The following MAN1B1 variants were observed in gnomAD, a reference collection of about 807,000 sequenced individuals.
MAN1B1 encodes mannosidase alpha class 1B member 1.
Under a neutral mutation model 75.5 loss-of-function variants are expected in MAN1B1, and 66 were observed. The ratio of observed to expected loss-of-function variants is 0.87; its 90% CI spans 0.72 to 1.07. The LOEUF (loss-of-function observed/expected upper bound fraction) is 1.07. Among genes scored for constraint, MAN1B1 ranks in the 50% least tolerant of loss-of-function variants. The probability of loss-of-function intolerance (pLI) is 0.00; values close to 1 mark genes in which losing one functional copy is unlikely to be tolerated. For synonymous variants in MAN1B1, 453 were observed against 382.8 expected, an observed-to-expected ratio of 1.18 and a Z score of -2.14; for missense variants, 973 against 912.5, an observed-to-expected ratio of 1.07 and a Z score of -0.85.
Position 137,089,010 on chromosome 9 carries a change from T to C in MAN1B1, c.465+5T>C, listed in dbSNP as rs770944364. On this transcript the variant is annotated splice_donor_5th_base_variant and intron_variant, in intron 3 of 12. Transcript: ENST00000371589. ...TTACCTGAGATTTCGTCACAGGTAC[T>C]TTGAGCAAATGGTGTGGGGTTATAA... The C allele has an allele frequency of 6.2e-7, 1 of 1,613,940 alleles. No individual in the cohort carries two copies. The highest frequency in any genetic ancestry group is 1.1e-5 in the South Asian group (1 of 91,078).
chr9:137,090,812 C>T (rs923605717), intron 3 of MAN1B1, among the ~76,000 whole-genome samples: 12 of 152,186 alleles, frequency 7.9e-5, no homozygotes, highest in African/African-American at 2.4e-4. Flanking sequence ...GCTGGGATTA[C>T]AGACATGAGC....
Position 137,099,788 on chromosome 9 carries a change from A to G in MAN1B1, c.823A>G (p.Lys275Glu), listed in dbSNP as rs1767472901. 6.2e-7 allele frequency: 1 copy of G among 1,614,092 alleles called. No individual in the cohort carries two copies. Among genetic ancestry groups the G allele is most frequent in the Admixed American group, 1.7e-5 (1 of 60,006 alleles). The stretch of plus-strand genomic sequence containing the variant: ...GTTTGCATGGGGCCATGACGAGCTG[A>G]AGCCTGTGTCCAGGTCCTTCAGTGA... ...RKFAWGHDELKPVSRSFSEWF... is the reference protein window; with the variant it reads ...RKFAWGHDELEPVSRSFSEWF... Residue 275 changes from lysine (K) to glutamate (E), a missense_variant, in exon 6 of 13, where the codon AAG becomes GAG. Transcript: ENST00000371589.
At chr9:137,091,420 C>T (rs1165266815) in intron 3 of MAN1B1, among the ~76,000 whole-genome samples, 2 of 152,102 alleles carry the variant, frequency 1.3e-5, no homozygotes, top group African/African-American at 2.4e-5. Flanking sequence ...TGTTCAGACC[C>T]TGGCACTTGT....
At chr9:137,091,530 T>C (rs1193892227) in intron 3 of MAN1B1, among the ~76,000 whole-genome samples, 1 of 145,526 alleles carries the variant, frequency 6.9e-6, no homozygotes, top group African/African-American at 2.5e-5. Flanking sequence ...TATTTTTTTT[T>C]TTTTTTTTTT....
In MAN1B1 at chr9:137,108,791, T is replaced by C. The variant is rs1831211308; in HGVS notation, c.*200T>C. On this transcript the variant is annotated 3_prime_UTR_variant, in exon 13 of 13. Transcript: ENST00000371589. The stretch of plus-strand genomic sequence containing the variant: ...CCGTCAGTCTTGGTGTGATGCGGGG[T>C]GGGCTGGGCCGCTGGAGCCTCCGCC... 1.4e-6 allele frequency: 1 copy of C among 699,698 alleles called. No individual in the cohort carries two copies. The allele number at this position is 699,698 out of a possible 1,614,324, so 43.3% of individuals were successfully genotyped here. A position where few individuals can be genotyped will look rare whatever the true frequency, so the allele number is the denominator to read the frequency against.
Position 137,088,131 on chromosome 9 carries a change from T to G in MAN1B1, c.276T>G (p.Phe92Leu). 2 of 1,614,230 alleles carry G rather than the reference T, an allele frequency of 1.2e-6. No individual in the cohort carries two copies. The highest frequency in any genetic ancestry group is 1.7e-6 in the Non-Finnish European group (2 of 1,180,052). Residue 92 changes from phenylalanine (F) to leucine (L), a missense_variant, in exon 2 of 13, where the codon TTT becomes TTG. Physicochemically the swap from Phe to Leu is conservative, Grantham distance 22. Transcript: ENST00000371589. The stretch of plus-strand genomic sequence containing the variant: ...ATATGATTCTCTTCCTCCTTGCCTT[T>G]CTGCTTTTCTGTGGACTCCTCTTCT... ...QRNMILFLLA[F>L]LLFCGLLFYI...
intron 7 of MAN1B1, 107 bp downstream of exon 7, chr9:137,101,260 A>G (rs1830802441): frequency 1.4e-6 from 2 of 1,427,482 alleles, no homozygotes; most frequent in South Asian, 1.2e-5. Flanking sequence ...TCCTCTTCAA[A>G]TGCACTGGAG....
At chr9:137,087,959 A>T in intron 1 of MAN1B1, 116 bp from the exon 2 acceptor site, 2 of 872,588 alleles carry the variant, frequency 2.3e-6, no homozygotes, top group Non-Finnish European at 3.8e-6. Context: ...AAAAAGAAAT[A>T]GAGCTGAACA....
At chr9:137,105,958 C>T (rs932744292) in intron 8 of MAN1B1, 167 bp from the exon 9 acceptor site, 5 of 708,710 alleles carry the variant, frequency 7.1e-6, no homozygotes, top group African/African-American at 7.0e-5. Flanking sequence ...GGTACGGCCA[C>T]CAGGAGCCAT....
At chr9:137,096,034 G>T (rs1252140976) in intron 3 of MAN1B1, among the ~76,000 whole-genome samples, 2 of 152,206 alleles carry the variant, frequency 1.3e-5, no homozygotes, top group East Asian at 1.9e-4. Flanking sequence ...GTCTGGGGCC[G>T]TTTAGCCAGT....
rs762958294 is a variant in MAN1B1, at chr9:137,099,687, C to G, written c.731-9C>G. ...TCCGCCATGGCCTGTGCTCTCTCCC[C>G]CCTACTAGTGCATCTGAACTATCGC... On this transcript the variant is annotated splice_polypyrimidine_tract_variant and intron_variant, in intron 5 of 12. Coordinates refer to ENST00000371589, the MANE Select transcript of MAN1B1 (RefSeq NM_016219.5). 6.2e-6 allele frequency: 10 copies of G among 1,614,098 alleles called. No individual in the cohort carries two copies. The highest frequency in any genetic ancestry group is 7.6e-6 in the Non-Finnish European group (9 of 1,180,016).
At chr9:137,107,078 G>A in intron 10 of MAN1B1, 172 bp from the exon 11 acceptor site, 2 of 787,166 alleles carry the variant, frequency 2.5e-6, no homozygotes, top group South Asian at 3.6e-5. Flanking sequence ...GGGCCGGGTT[G>A]GAGGGCCTGG....
rs766039810 is a variant in MAN1B1 at position 137,108,993 on chromosome 9, TCTGGAGGGG to T, written c.*406_*414del. ...GCCTCAGATGTCCCCAATCCAAGGG[TCTGGAGGGG>T]CTGCCGTGACTCCAGAGGCCTGAGG... On this transcript the variant is annotated 3_prime_UTR_variant, in exon 13 of 13. Transcript: ENST00000371589. 23 of 461,476 alleles carry T rather than the reference TCTGGAGGGG, an allele frequency of 5.0e-5. No individual in the cohort carries two copies. The highest frequency in any genetic ancestry group is 8.7e-5 in the Non-Finnish European group (20 of 230,738). 28.6% of individuals were successfully genotyped at this position (461,476 alleles called of 1,614,324 possible). A position where few individuals can be genotyped will look rare whatever the true frequency, so the allele number is the denominator to read the frequency against.
intron 3 of MAN1B1, chr9:137,089,342 C>T (rs1830461430): frequency 4.7e-5 from 18 of 384,624 alleles, no homozygotes; most frequent in South Asian, 3.5e-4. Context: ...TGGTGTACAT[C>T]CTATGTGGAA....
At chr9:137,106,004 C>T (rs1228061603) in intron 8 of MAN1B1, 121 bp from the exon 9 acceptor site, 6 of 807,564 alleles carry the variant, frequency 7.4e-6, no homozygotes, top group South Asian at 2.9e-5. Flanking sequence ...GCACAGAGCT[C>T]TCTCTGCTGG....
intron 5 of MAN1B1, 104 bp downstream of exon 5, chr9:137,098,041 G>A (rs759496684): frequency 3.6e-4 from 303 of 834,416 alleles, no homozygotes; most frequent in Non-Finnish European, 5.4e-4. Context: ...CCGCCCTGGT[G>A]TGCACCTTGC....
chr9:137,106,741 C>T lies in MAN1B1; in HGVS notation c.1498C>T (p.Arg500Trp), dbSNP rs138805753. The T allele has an allele frequency of 2.7e-5, 43 of 1,613,398 alleles. No individual in the cohort carries two copies. In the East Asian group the frequency reaches 2.9e-4, roughly 11 times the overall value. ...CGAGGGTGTCAGAACGCACCTGCTG[C>T]GGCACTCCGAGCCCAGTAAGCTCAC... ...AIEGVRTHLLRHSEPSKLTFV... is the reference protein window; with the variant it reads ...AIEGVRTHLLWHSEPSKLTFV... Residue 500 changes from arginine (R) to tryptophan (W), a missense_variant, in exon 10 of 13, where the codon CGG (arginine) becomes TGG (tryptophan). By Grantham distance (101) the Arg-to-Trp change is moderately radical. Transcript: ENST00000371589.
Position 137,108,465 on chromosome 9 carries a change from C to T in MAN1B1, c.1974C>T (p.Ser658=). Residue 658 remains serine, a synonymous_variant, in exon 13 of 13, where the codon AGC becomes AGT. Coordinates refer to ENST00000371589, the MANE Select transcript of MAN1B1 (RefSeq NM_016219.5). ...CCGAGCCTAGGGACAAGATGGAGAGCTTCTTCCTGGGGGAGACGCTCAAGT... is the reference window on the plus strand; with the variant it reads ...CCGAGCCTAGGGACAAGATGGAGAGTTTCTTCCTGGGGGAGACGCTCAAGT... ...QKPEPRDKME[S]FFLGETLKYL... 6.2e-7 allele frequency: 1 copy of T among 1,614,012 alleles called. No individual in the cohort carries two copies. The highest frequency in any genetic ancestry group is 8.5e-7 in the Non-Finnish European group (1 of 1,180,028).
intron 10 of MAN1B1, 173 bp from the exon 11 acceptor site, chr9:137,107,077 T>C (rs1274677798): frequency 6.4e-6 from 5 of 784,072 alleles, no homozygotes; most frequent in Non-Finnish European, 1.0e-5. Context: ...GGGGCCGGGT[T>C]GGAGGGCCTG....
Sources: allele counts gnomAD v4.1 joint callset (sites outside exome capture counted in the v4.1 genomes callset), GRCh38; gene constraint gnomAD v4.1.1; transcripts MANE v1.5; gene names NCBI Gene and HGNC (gene_info 2026-07-23, HGNC 2026-07-21).